Variants in TXLNA observed in about 807,000 individuals in gnomAD.
TXLNA encodes taxilin alpha.
TXLNA carries 9 observed loss-of-function variants against 61.4 expected under a neutral mutation model. That is an observed-to-expected ratio of 0.15 (90% confidence interval 0.09 to 0.26). TXLNA has a LOEUF of 0.26. TXLNA is among the 10% of genes least tolerant of loss of function. TXLNA has a pLI of 1.00. For synonymous variants in TXLNA, 257 were observed against 267.7 expected (o/e 0.96, Z 0.39); for missense variants, 565 against 688.8 (o/e 0.82, Z 2.01).
chr1:32,194,544 T>G (rs1434015862), intron 10 of TXLNA, among the ~76,000 whole-genome samples: 1 of 152,216 alleles, frequency 6.6e-6, no homozygotes, highest in Admixed American at 6.5e-5. Flanking sequence ...GGGTTTTTTT[T>G]GTCTTTTTTG....
intron 3 of TXLNA, among the ~76,000 whole-genome samples, chr1:32,183,334 C>T (rs1402712959): frequency 6.7e-6 from 1 of 149,244 alleles, no homozygotes; most frequent in African/African-American, 2.5e-5. Context: ...CTGTGTTAGC[C>T]AGGATAGTCT....
At chr1:32,187,863 G>A (rs1642820000) in intron 4 of TXLNA, 91 bp from the exon 5 acceptor site, 1 of 1,418,136 alleles carries the variant, frequency 7.1e-7, no homozygotes, top group South Asian at 1.4e-5. Flanking sequence ...AAGGGTCAGG[G>A]CAGCTCAGGA....
Position 32,195,774 on chromosome 1 carries a change from A to G in TXLNA, c.*579A>G, listed in dbSNP as rs1394735971. Reference sequence around the variant, plus strand: ...TTCCTGCCTGGAACAAGGGACCTGGAGAATGTTTTTGCGTGGGATGATGTG... The same window carrying G: ...TTCCTGCCTGGAACAAGGGACCTGGGGAATGTTTTTGCGTGGGATGATGTG... On this transcript the variant is annotated 3_prime_UTR_variant, in exon 11 of 11. Transcript: ENST00000373610. 2.2e-6 allele frequency: 1 copy of G among 456,182 alleles called. No individual in the cohort carries two copies. The highest frequency in any genetic ancestry group is 4.4e-6 in the Non-Finnish European group (1 of 226,960). The allele number at this position is 456,182 out of a possible 1,614,324, so 28.3% of individuals were successfully genotyped here.
chr1:32,193,957 GATCA>G lies in TXLNA; in HGVS notation c.1252-103_1252-100del, dbSNP rs1247415013. Reference sequence around the variant, plus strand: ...CATCCTGTAATGCCTTGCGCCTTGGGATCAATCATTCCCCACCTTGGAGACACAG... The same window carrying G: ...CATCCTGTAATGCCTTGCGCCTTGGGATCATTCCCCACCTTGGAGACACAG... On this transcript the variant is annotated intron_variant, in intron 9 of 10. Transcript: ENST00000373610. 1.5e-5 allele frequency: 13 copies of G among 851,564 alleles called. No homozygotes were observed. The East Asian group carries it at 3.5e-4, about 23-fold the overall frequency. 52.8% of individuals were successfully genotyped at this position (851,564 alleles called of 1,614,324 possible).
chr1:32,181,998 C>T (rs868862342), intron 3 of TXLNA, among the ~76,000 whole-genome samples: 1 of 151,794 alleles, frequency 6.6e-6, no homozygotes, highest in South Asian at 2.1e-4. Flanking sequence ...CTGGGCTGGC[C>T]ATGGGGCCAC....
intron 4 of TXLNA, among the ~76,000 whole-genome samples, chr1:32,186,823 C>T (rs962586790): frequency 6.6e-6 from 1 of 152,212 alleles, no homozygotes; most frequent in African/African-American, 2.4e-5. Flanking sequence ...ATAAATTCGT[C>T]TCTAGCTAAT....
chr1:32,192,072 G>T lies in TXLNA; in HGVS notation c.964-239G>T, dbSNP rs556177621. ...GTGTTTATTGCTTGCCTTCTTGGGAGCAGATTCCATCCATAAACCATGTGC... is the reference window on the plus strand; with the variant it reads ...GTGTTTATTGCTTGCCTTCTTGGGATCAGATTCCATCCATAAACCATGTGC... On this transcript the variant is annotated intron_variant, in intron 6 of 10. Coordinates refer to ENST00000373610, the MANE Select transcript of TXLNA (RefSeq NM_175852.4). The surrounding 1 kb of genome is among the most constrained non-coding windows in gnomAD (Gnocchi z 4.2). Among the ~76,000 whole-genome samples the T allele has an allele frequency of 6.6e-5, 10 of 152,368 alleles. No individual in the cohort carries two copies. Among genetic ancestry groups the T allele is most frequent in the African/African-American group, 2.4e-4 (10 of 41,592 alleles).
Position 32,197,708 on chromosome 1 carries a change from AG to A in TXLNA, c.*2515del, listed in dbSNP as rs1643054276. The A allele has an allele frequency of 6.6e-6, 1 of 152,282 alleles. No individual in the cohort carries two copies. The highest frequency in any genetic ancestry group is 2.1e-4 in the South Asian group (1 of 4,834). 9.4% of individuals were successfully genotyped at this position (152,282 alleles called of 1,614,324 possible). A position where few individuals can be genotyped will look rare whatever the true frequency, so the allele number is the denominator to read the frequency against. Reference sequence around the variant, plus strand: ...AGCTTTTCCTCCAGGGGACCACAGCAGGTGAAGCTCAAGAGCGCATGGCTCT... The same window carrying A: ...AGCTTTTCCTCCAGGGGACCACAGCAGTGAAGCTCAAGAGCGCATGGCTCT... On this transcript the variant is annotated 3_prime_UTR_variant, in exon 11 of 11. Coordinates refer to ENST00000373610, the MANE Select transcript of TXLNA (RefSeq NM_175852.4). The surrounding 1 kb of genome is among the most constrained non-coding windows in gnomAD (Gnocchi z 4.6).
intron 10 of TXLNA, 71 bp downstream of exon 10, chr1:32,194,231 T>C: frequency 7.9e-7 from 1 of 1,267,176 alleles, no homozygotes; most frequent in East Asian, 2.4e-5. Flanking sequence ...TTCCTGTATG[T>C]TCTACCCATC....
At position 32,196,409 on chromosome 1, in the gene TXLNA, TG is replaced by T. The variant is rs1643025979; in HGVS notation, c.*1218del. The T allele has an allele frequency of 6.6e-6, 1 of 152,228 alleles. No individual in the cohort carries two copies. The highest frequency in any genetic ancestry group is 6.5e-5 in the Admixed American group (1 of 15,272). The allele number at this position is 152,228 out of a possible 1,614,324, so 9.4% of individuals were successfully genotyped here. On this transcript the variant is annotated 3_prime_UTR_variant, in exon 11 of 11. Coordinates refer to ENST00000373610, the MANE Select transcript of TXLNA (RefSeq NM_175852.4). ...TTCCTGGCACCTCCCTGCCTGTCCT[TG>T]GGGATTCTACTTCTTCCTGTGTGGG...
rs1371128131 is a variant in TXLNA, at chr1:32,195,724, T to G, written c.*529T>G. 1 of 456,318 alleles carries G rather than the reference T, an allele frequency of 2.2e-6. No homozygotes were observed. Among genetic ancestry groups the G allele is most frequent in the East Asian group, 6.9e-5 (1 of 14,408 alleles). The allele number at this position is 456,318 out of a possible 1,614,324, so 28.3% of individuals were successfully genotyped here. ...GAAAAGGTGTCCCTAGGCAGAGCCCTGGCAGGGCGCTCAGAGCTGGGGATT... is the reference window on the plus strand; with the variant it reads ...GAAAAGGTGTCCCTAGGCAGAGCCCGGGCAGGGCGCTCAGAGCTGGGGATT... On this transcript the variant is annotated 3_prime_UTR_variant, in exon 11 of 11. Coordinates refer to ENST00000373610, the MANE Select transcript of TXLNA (RefSeq NM_175852.4).
At position 32,189,397 on chromosome 1, in the gene TXLNA, T is replaced by G. The variant is rs1642856958; in HGVS notation, c.769-658T>G. ...TTGCAAACCCTGGGTGTTACTAAAT[T>G]TTAACAGCTTGGTCTCTGGGGGTAC... On this transcript the variant is annotated intron_variant, in intron 5 of 10. Coordinates refer to ENST00000373610, the MANE Select transcript of TXLNA (RefSeq NM_175852.4). Among the ~76,000 whole-genome samples, 3 of 152,176 alleles carry G rather than the reference T, an allele frequency of 2.0e-5. No individual in the cohort carries two copies. The South Asian group carries it at 6.2e-4, about 31-fold the overall frequency.
chr1:32,193,173 C>A, intron 8 of TXLNA, 35 bp from the exon 9 acceptor site: 1 of 1,495,088 alleles, frequency 6.7e-7, no homozygotes, highest in Non-Finnish European at 9.3e-7. Context: ...CCCAGAGAAA[C>A]CCAGTCTTAT....
chr1:32,186,423 A>C (rs1313968589), intron 4 of TXLNA, among the ~76,000 whole-genome samples: 1 of 150,604 alleles, frequency 6.6e-6, no homozygotes, highest in African/African-American at 2.5e-5. Flanking sequence ...GAGGAGTGTG[A>C]ATAGCATATG....
Position 32,197,853 on chromosome 1 carries a change from C to G in TXLNA, c.*2658C>G, listed in dbSNP as rs9425952. 6.6e-6 allele frequency: 1 copy of G among 152,244 alleles called. No individual in the cohort carries two copies. The highest frequency in any genetic ancestry group is 2.1e-4 in the South Asian group (1 of 4,822). 9.4% of individuals were successfully genotyped at this position (152,244 alleles called of 1,614,324 possible). A position where few individuals can be genotyped will look rare whatever the true frequency, so the allele number is the denominator to read the frequency against. The stretch of plus-strand genomic sequence containing the variant: ...TGTTGTTTGTTTTCCATGAGGTTAT[C>G]GGACCATGGGCTGAGCTCAGGCACT... On this transcript the variant is annotated 3_prime_UTR_variant, in exon 11 of 11. Coordinates refer to ENST00000373610, the MANE Select transcript of TXLNA (RefSeq NM_175852.4). This position sits in a 1 kb window ranked among gnomAD's most constrained non-coding sequence, Gnocchi z 4.6.
intron 5 of TXLNA, among the ~76,000 whole-genome samples, chr1:32,189,414 T>C (rs188450817): frequency 6.6e-6 from 1 of 152,212 alleles, no homozygotes; most frequent in African/African-American, 2.4e-5. Flanking sequence ...GCTTGGTCTC[T>C]GGGGGTACAG....
Position 32,190,247 on chromosome 1 carries a change from G to C in TXLNA, c.961G>C (p.Glu321Gln), listed in dbSNP as rs762957827. 1 of 1,595,294 alleles carries C rather than the reference G, an allele frequency of 6.3e-7. No homozygotes were observed. Among genetic ancestry groups the C allele is most frequent in the South Asian group, 1.1e-5 (1 of 88,682 alleles). Residue 321 changes from glutamate (E) to glutamine (Q), a missense_variant and splice_region_variant, in exon 6 of 11, where the codon GAG becomes CAG. This residue lies in a region of TXLNA where 373 missense variants were observed against 504.0 expected (regional missense o/e 0.74). Transcript: ENST00000373610. ...KLIEQYELRE[E>Q]HIDKVFKHKD... Reference sequence around the variant, plus strand: ...GATTGAGCAGTATGAGCTGCGCGAGGAGGTAAGGGTATCACGGACAGCAGT... The same window carrying C: ...GATTGAGCAGTATGAGCTGCGCGAGCAGGTAAGGGTATCACGGACAGCAGT...
chr1:32,194,218 C>T lies in TXLNA; in HGVS notation c.1347+58C>T, dbSNP rs1642965979. 2.1e-5 allele frequency: 29 copies of T among 1,403,608 alleles called. No individual in the cohort carries two copies. In the South Asian group the frequency reaches 3.2e-4, roughly 16 times the overall value. The allele number at this position is 1,403,608 out of a possible 1,614,324, so 86.9% of individuals were successfully genotyped here. ...GGTGTGCACTTAGCGCATATCAGGC[C>T]CTTTCCTGTATGTTCTACCCATCAG... On this transcript the variant is annotated intron_variant, in intron 10 of 10. Transcript: ENST00000373610.
rs1569639234 is a variant in TXLNA at position 32,196,004 on chromosome 1, T to C, written c.*809T>C. The stretch of plus-strand genomic sequence containing the variant: ...TTTTTTTTTTTTTTCTTTTTCTTTT[T>C]TTTTTGCACATGACAGTGTTTGTAT... On this transcript the variant is annotated 3_prime_UTR_variant, in exon 11 of 11. Transcript: ENST00000373610. The C allele has an allele frequency of 4.7e-6, 1 of 211,010 alleles. No homozygotes were observed. The highest frequency in any genetic ancestry group is 1.6e-4 in the East Asian group (1 of 6,252). The allele number at this position is 211,010 out of a possible 1,614,324, so 13.1% of individuals were successfully genotyped here.
Sources: gnomAD v4.1 joint callset for allele counts (sites outside exome capture counted in the v4.1 genomes callset) on GRCh38, gnomAD v4.1.1 for gene constraint, gnomAD v4.1.1 regional missense constraint, Gnocchi (gnomAD v3.1) non-coding constraint, MANE v1.5 for transcripts, NCBI Gene and HGNC (gene_info 2026-07-23, HGNC 2026-07-21) for gene names.